Variants in FMNL2 observed in about 807,000 individuals in gnomAD.
FMNL2 encodes formin like 2, also known as formin-like protein 2.
Under a neutral mutation model 130.2 loss-of-function variants are expected in FMNL2, and 51 were observed. The ratio of observed to expected loss-of-function variants is 0.39; its 90% CI spans 0.31 to 0.49. FMNL2 has a LOEUF of 0.49. FMNL2 is among the 20% of genes least tolerant of loss of function. The pLI is 0.85. For missense variants in FMNL2, 977 were observed against 1,316.2 expected (o/e 0.74, Z 3.99); for synonymous variants, 465 against 467.1 (o/e 1.00, Z 0.06).
At chr2:152,623,754 G>T (rs575608475) in intron 15 of FMNL2, among the ~76,000 whole-genome samples, 7 of 152,158 alleles carry the variant, frequency 4.6e-5, no homozygotes, top group African/African-American at 1.4e-4. Context: ...GAATGTGTAT[G>T]GCTAAATGGT....
intron 10 of FMNL2, 57 bp downstream of exon 10, chr2:152,607,470 TACAC>T (rs3080598): frequency 0.31 from 186,198 of 606,104 alleles, 16,838 homozygotes; most frequent in East Asian, 0.57. Flanking sequence ...TTTTTCTAAA[TACAC>T]ACACACACAC....
At chr2:152,554,888 A>G (rs2105562017) in intron 4 of FMNL2, among the ~76,000 whole-genome samples, 1 of 152,336 alleles carries the variant, frequency 6.6e-6, no homozygotes, top group Non-Finnish European at 1.5e-5. Context: ...TTTCCTTGAG[A>G]CAACTGTGCT....
chr2:152,349,183 T>A (rs1421890058), intron 1 of FMNL2, among the ~76,000 whole-genome samples: 2 of 152,202 alleles, frequency 1.3e-5, no homozygotes, highest in South Asian at 4.1e-4. Context: ...TGAGACTGGA[T>A]GGCTTGAAGT....
chr2:152,561,692 G>C (rs1695540580), intron 6 of FMNL2, among the ~76,000 whole-genome samples: 1 of 151,800 alleles, frequency 6.6e-6, no homozygotes, highest in Non-Finnish European at 1.5e-5. Flanking sequence ...TCCTGCCTCA[G>C]CCTCCCAACT....
chr2:152,520,198 G>A (rs1693005352), intron 1 of FMNL2, among the ~76,000 whole-genome samples: 1 of 152,136 alleles, frequency 6.6e-6, no homozygotes, highest in African/African-American at 2.4e-5. Flanking sequence ...CATATTAGAT[G>A]TTTCTATATC....
chr2:152,489,876 T>C (rs1236237385), intron 1 of FMNL2, among the ~76,000 whole-genome samples: 1 of 152,124 alleles, frequency 6.6e-6, no homozygotes, highest in East Asian at 1.9e-4. Context: ...TAAAAAAAAT[T>C]TGTCAGCCAA....
intron 1 of FMNL2, among the ~76,000 whole-genome samples, chr2:152,376,240 A>G (rs1333133851): frequency 6.6e-6 from 1 of 152,072 alleles, no homozygotes; most frequent in Non-Finnish European, 1.5e-5. Flanking sequence ...ACAGCATTTT[A>G]TTTTTCGATT....
intron 1 of FMNL2, among the ~76,000 whole-genome samples, chr2:152,429,756 A>G (rs909096246): frequency 6.6e-6 from 1 of 152,098 alleles, no homozygotes; most frequent in Non-Finnish European, 1.5e-5. Flanking sequence ...ACACAGTATG[A>G]TGGGGATCTA....
intron 1 of FMNL2, among the ~76,000 whole-genome samples, chr2:152,515,816 G>A (rs1692735195): frequency 6.6e-6 from 1 of 152,166 alleles, no homozygotes; most frequent in Admixed American, 6.5e-5. Context: ...AGACATACCA[G>A]TCCGTCAATA....
At chr2:152,578,623 G>C (rs997286862) in intron 7 of FMNL2, 2 of 179,630 alleles carry the variant, frequency 1.1e-5, no homozygotes, top group East Asian at 1.2e-4. Flanking sequence ...TGTGGGTCTT[G>C]TTGTCCTGGA....
chr2:152,462,963 A>C (rs1313081784), intron 1 of FMNL2, among the ~76,000 whole-genome samples: 1 of 152,198 alleles, frequency 6.6e-6, no homozygotes, highest in Non-Finnish European at 1.5e-5. Context: ...AAATCTCATT[A>C]ACAATTGGAT....
chr2:152,591,785 G>A (rs1317909721), intron 9 of FMNL2, among the ~76,000 whole-genome samples: 1 of 152,092 alleles, frequency 6.6e-6, no homozygotes, highest in East Asian at 1.9e-4. Context: ...CAGCCTGGGC[G>A]ACACAGCGAG....
At chr2:152,571,343 T>C (rs1696157600) in intron 6 of FMNL2, among the ~76,000 whole-genome samples, 1 of 152,126 alleles carries the variant, frequency 6.6e-6, no homozygotes, top group Non-Finnish European at 1.5e-5. Context: ...ATGTATTACA[T>C]GGGACAGGAC....
At chr2:152,615,813 C>T (rs1698915653) in intron 12 of FMNL2, among the ~76,000 whole-genome samples, 1 of 152,144 alleles carries the variant, frequency 6.6e-6, no homozygotes, top group African/African-American at 2.4e-5. Context: ...TTATTTTCTC[C>T]TTTGAACAGT....
At chr2:152,412,747 C>T (rs1466501527) in intron 1 of FMNL2, among the ~76,000 whole-genome samples, 1 of 151,630 alleles carries the variant, frequency 6.6e-6, no homozygotes, top group African/African-American at 2.4e-5. Context: ...GGTGAGGCTG[C>T]AGTGAGCCAT....
intron 1 of FMNL2, among the ~76,000 whole-genome samples, chr2:152,339,281 A>G (rs1210960916): frequency 6.6e-6 from 1 of 152,132 alleles, no homozygotes; most frequent in African/African-American, 2.4e-5. Context: ...AGTGTGGCCC[A>G]GGGAAGCCAA....
At chr2:152,468,382 T>C (rs1689669839) in intron 1 of FMNL2, among the ~76,000 whole-genome samples, 2 of 152,236 alleles carry the variant, frequency 1.3e-5, no homozygotes, top group Non-Finnish European at 2.9e-5. Context: ...TCAGTTCAAT[T>C]AATTTACATT....
rs1384556735 is a variant in FMNL2, at chr2:152,578,963, A to G, written c.781A>G (p.Arg261Gly). 1 of 1,612,484 alleles carries G rather than the reference A, an allele frequency of 6.2e-7. No individual in the cohort carries two copies. The highest frequency in any genetic ancestry group is 8.5e-7 in the Non-Finnish European group (1 of 1,178,922). ...IALSLNNKNP[R>G]TKALVLELLA... ...ACTAAGCCTGAACAACAAGAATCCC[A>G]GGTAAGCTGCTTTTGTAGTACGCAA... The change falls in exon 8 of 26, where the codon AGA becomes GGA. Residue 261 changes from arginine to glycine, a missense_variant and splice_region_variant. Physicochemically the swap from Arg to Gly is moderately radical, Grantham distance 125. Around this residue, in one of 4 missense-constraint regions of FMNL2, gnomAD observed 689 missense variants for 995.9 expected, o/e 0.69. Transcript: ENST00000288670.
intron 1 of FMNL2, among the ~76,000 whole-genome samples, chr2:152,485,864 A>G (rs1690798835): frequency 6.6e-6 from 1 of 152,238 alleles, no homozygotes; most frequent in Non-Finnish European, 1.5e-5. Flanking sequence ...TAGTGATTTC[A>G]CTGCCAAAAG....
Sources: gnomAD v4.1 joint callset for allele counts (sites outside exome capture counted in the v4.1 genomes callset) on GRCh38, gnomAD v4.1.1 for gene constraint, gnomAD v4.1.1 regional missense constraint, MANE v1.5 for transcripts, NCBI Gene and HGNC (gene_info 2026-07-23, HGNC 2026-07-21) for gene names.